The following ST13 variants were observed in gnomAD, a reference collection of about 807,000 sequenced individuals.
ST13 encodes ST13 Hsp70 interacting protein.
In ST13, 23 loss-of-function variants were observed where a neutral mutation model predicts 56.7. That is an observed-to-expected ratio of 0.41 (90% CI 0.29 to 0.57). The LOEUF (loss-of-function observed/expected upper bound fraction) is 0.57. Ranked by LOEUF, ST13 falls within the 20% of genes least tolerant of loss-of-function variation. The probability of loss-of-function intolerance (pLI) is 0.36; values close to 1 mark genes in which losing one functional copy is unlikely to be tolerated. For synonymous variants in ST13, 132 were observed against 142.4 expected (o/e 0.93, Z 0.52); for missense variants, 369 against 459.9 (o/e 0.80, Z 1.81).
chr22:40,836,842 A>G (rs2057779818), intron 5 of ST13, among the ~76,000 whole-genome samples: 1 of 152,048 alleles, frequency 6.6e-6, no homozygotes, highest in Non-Finnish European at 1.5e-5. Flanking sequence ...CAAATACAGA[A>G]TTTTTTTTAA....
At chr22:40,839,387 G>C (rs541290351) in intron 5 of ST13, among the ~76,000 whole-genome samples, 1 of 152,272 alleles carries the variant, frequency 6.6e-6, no homozygotes, top group African/African-American at 2.4e-5. Flanking sequence ...GTTATAAAGA[G>C]TGAAATATTA....
At chr22:40,847,700 T>C (rs1006140428) in intron 3 of ST13, among the ~76,000 whole-genome samples, 3 of 152,272 alleles carry the variant, frequency 2.0e-5, no homozygotes, top group African/African-American at 7.2e-5. Context: ...GCCACATGTG[T>C]AAAATACCCT....
chr22:40,840,648 A>G lies in ST13; in HGVS notation c.360T>C (p.Ala120=). 1 of 1,610,474 alleles carries G rather than the reference A, an allele frequency of 6.2e-7. No individual in the cohort carries two copies. Residue 120 remains alanine (A), a synonymous_variant, in exon 5 of 12, where the codon GCT becomes GCC. Coordinates refer to ENST00000216218, the MANE Select transcript of ST13 (RefSeq NM_003932.5). ...MMDQANDKKV[A]AIEALNDGEL... Reference sequence around the variant, plus strand: ...CACCATCATTTAGGGCTTCAATAGCAGCCACTTTTTTATCATTTGCCTGAT... The same window carrying G: ...CACCATCATTTAGGGCTTCAATAGCGGCCACTTTTTTATCATTTGCCTGAT...
intron 2 of ST13, among the ~76,000 whole-genome samples, chr22:40,850,058 G>C (rs542403251): frequency 6.6e-6 from 1 of 152,142 alleles, no homozygotes; most frequent in African/African-American, 2.4e-5. Context: ...AGGAGTTCGA[G>C]ACCCACCTGG....
chr22:40,840,316 G>A (rs2145740840), intron 5 of ST13, among the ~76,000 whole-genome samples: 1 of 151,914 alleles, frequency 6.6e-6, no homozygotes, highest in South Asian at 2.1e-4. Context: ...AAAAGTTAAG[G>A]GTCACTGTTC....
chr22:40,853,602 C>T (rs1167310839), intron 1 of ST13, among the ~76,000 whole-genome samples: 1 of 152,172 alleles, frequency 6.6e-6, no homozygotes, highest in Non-Finnish European at 1.5e-5. Flanking sequence ...CCACATAAAA[C>T]TTCATTCACA....
chr22:40,849,061 T>C (rs924961447), intron 2 of ST13, among the ~76,000 whole-genome samples: 1 of 152,244 alleles, frequency 6.6e-6, no homozygotes, highest in African/African-American at 2.4e-5. Context: ...CTCTATCCTT[T>C]GCCTTTTGCA....
chr22:40,830,499 G>C (rs1158494979), intron 9 of ST13, among the ~76,000 whole-genome samples: 1 of 152,192 alleles, frequency 6.6e-6, no homozygotes, highest in East Asian at 1.9e-4. Context: ...TGTTGGAAGA[G>C]AGGAGGAATC....
intron 7 of ST13, among the ~76,000 whole-genome samples, chr22:40,834,600 A>G (rs2057768974): frequency 6.6e-6 from 1 of 152,194 alleles, no homozygotes; most frequent in African/African-American, 2.4e-5. Flanking sequence ...ACGACAGTAC[A>G]TACCAGAAGC....
intron 1 of ST13, among the ~76,000 whole-genome samples, chr22:40,853,054 C>T (rs2057869743): frequency 6.6e-6 from 1 of 152,060 alleles, no homozygotes; most frequent in African/African-American, 2.4e-5. Context: ...AATAACTTGC[C>T]AATAACATTC....
intron 7 of ST13, among the ~76,000 whole-genome samples, chr22:40,833,694 G>A (rs764577263): frequency 6.6e-6 from 1 of 151,956 alleles, no homozygotes; most frequent in Non-Finnish European, 1.5e-5. Context: ...TGGCCAATGT[G>A]GCAAAACCCC....
chr22:40,833,063 C>T (rs141834697), intron 7 of ST13, among the ~76,000 whole-genome samples: 580 of 152,174 alleles, frequency 3.8e-3, no homozygotes, highest in Non-Finnish European at 6.2e-3. Flanking sequence ...ACAGGCTTTA[C>T]GAAAAACTCA....
chr22:40,834,671 G>C (rs1243355536), intron 7 of ST13, among the ~76,000 whole-genome samples: 1 of 152,128 alleles, frequency 6.6e-6, no homozygotes, highest in South Asian at 2.1e-4. Context: ...ATTTCCCACA[G>C]AAATAGCTTA....
chr22:40,832,459 A>G (rs2057758413), intron 8 of ST13, 110 bp downstream of exon 8: 2 of 762,500 alleles, frequency 2.6e-6, no homozygotes, highest in Non-Finnish European at 4.4e-6. Flanking sequence ...ATATCTTCCA[A>G]TGGTTTGTTT....
intron 2 of ST13, among the ~76,000 whole-genome samples, chr22:40,850,079 G>A (rs1027839106): frequency 6.6e-6 from 1 of 152,072 alleles, no homozygotes; most frequent in Non-Finnish European, 1.5e-5. Flanking sequence ...CCAACATGGC[G>A]AAACCCCATT....
chr22:40,836,001 TAAA>T (rs1569000581), intron 5 of ST13, 114 bp from the exon 6 acceptor site: 1 of 822,908 alleles, frequency 1.2e-6, no homozygotes, highest in Admixed American at 2.9e-5. Flanking sequence ...CAAGTAAAAA[TAAA>T]AAAGACAACT....
At chr22:40,836,043 CA>C in intron 5 of ST13, 156 bp from the exon 6 acceptor site, 2 of 597,890 alleles carry the variant, frequency 3.3e-6, no homozygotes, top group Non-Finnish European at 5.8e-6. Flanking sequence ...CTCTTGAAAG[CA>C]AATCTTACCA....
rs760877659 is a variant in ST13 at position 40,856,566 on chromosome 22, G to A, written c.-26C>T. On this transcript the variant is annotated 5_prime_UTR_variant, in exon 1 of 12. Transcript: ENST00000216218. ...GGTAGGGAGGTGGTGGGCGAAACTG[G>A]GGGGGCTACGGCCCGGTTCCAGGCC... 1.4e-5 allele frequency: 23 copies of A among 1,589,678 alleles called. No homozygotes were observed. In the African/African-American group the frequency reaches 2.6e-4, roughly 18 times the overall value.
intron 4 of ST13, among the ~76,000 whole-genome samples, chr22:40,843,514 G>A (rs2057814958): frequency 6.6e-6 from 1 of 152,152 alleles, no homozygotes. Context: ...CAGAAACAGT[G>A]TATTTTAGTT....
Sources: allele counts gnomAD v4.1 joint callset (sites outside exome capture counted in the v4.1 genomes callset), GRCh38; gene constraint gnomAD v4.1.1; transcripts MANE v1.5; gene names NCBI Gene and HGNC (gene_info 2026-07-23, HGNC 2026-07-21).